ARFGEF1: variants seen among roughly 807,000 people sequenced by gnomAD.
The protein encoded by ARFGEF1 is brefeldin A-inhibited guanine nucleotide-exchange protein 1.
A neutral mutation model predicts 231.0 loss-of-function variants in ARFGEF1; 42 were observed. The observed-to-expected ratio is 0.18, with a 90% CI of 0.14 to 0.24. ARFGEF1 has a LOEUF of 0.24. ARFGEF1 is among the 10% of genes least tolerant of loss of function. The pLI, the probability that ARFGEF1 is intolerant of heterozygous loss-of-function variation, is 1.00. For missense variants in ARFGEF1, 1,345 were observed against 2,192.0 expected (o/e 0.61, Z 7.72); for synonymous variants, 710 against 732.3 (o/e 0.97, Z 0.49).
At chr8:67,291,711 G>C (rs1313592628) in intron 6 of ARFGEF1, 136 bp downstream of exon 6, 2 of 1,177,002 alleles carry the variant, frequency 1.7e-6, no homozygotes, top group Non-Finnish European at 2.4e-6. Context: ...CTACAATGAG[G>C]AAAGTCCACA....
chr8:67,275,945 T>C (rs1805295782), intron 9 of ARFGEF1, 31 bp downstream of exon 9: 2 of 1,611,382 alleles, frequency 1.2e-6, no homozygotes, highest in African/African-American at 2.7e-5. Flanking sequence ...TAAAAACCTC[T>C]ATTTGTCAGG....
chr8:67,268,920 T>G (rs1011154626), intron 10 of ARFGEF1, among the ~76,000 whole-genome samples: 2 of 152,128 alleles, frequency 1.3e-5, no homozygotes, highest in Non-Finnish European at 2.9e-5. Context: ...CAAAAACTTT[T>G]GGGATCCTCT....
chr8:67,279,275 T>C (rs1805439484), intron 7 of ARFGEF1, among the ~76,000 whole-genome samples: 1 of 152,098 alleles, frequency 6.6e-6, no homozygotes, highest in South Asian at 2.1e-4. Context: ...TCTCCCCACC[T>C]CCCCTTAACA....
intron 14 of ARFGEF1, among the ~76,000 whole-genome samples, chr8:67,261,582 C>T (rs1054037134): frequency 2.6e-5 from 4 of 152,222 alleles, no homozygotes; most frequent in Admixed American, 6.5e-5. Flanking sequence ...CACCTGATCA[C>T]CTTAGAGCTC....
chr8:67,175,200 G>T (rs369984993), downstream of ARFGEF1: 3 of 867,288 alleles, frequency 3.5e-6, no homozygotes, highest in Admixed American at 2.3e-5. Context: ...CCTTGATTTT[G>T]AAATTAGGTT....
chr8:67,193,670 C>A, downstream of ARFGEF1: 2 of 1,360,100 alleles, frequency 1.5e-6, no homozygotes, highest in Non-Finnish European at 2.1e-6. Context: ...TTACTCAAGG[C>A]TTTCACTAAC....
chr8:67,304,881 A>G (rs1358801582), intron 1 of ARFGEF1, among the ~76,000 whole-genome samples: 1 of 152,228 alleles, frequency 6.6e-6, no homozygotes, highest in East Asian at 1.9e-4. Context: ...ACTGACCTAA[A>G]TCATCATAAA....
In ARFGEF1 at chr8:67,266,968, T is replaced by C; in HGVS notation, c.1829A>G (p.Lys610Arg). The change falls in exon 13 of 39, where the codon AAA becomes AGA. Residue 610 changes from lysine to arginine, a missense_variant. Physicochemically the swap from Lys to Arg is conservative, Grantham distance 26. Coordinates refer to ENST00000262215, the MANE Select transcript of ARFGEF1 (RefSeq NM_006421.5). ...MSNVQELSLR[K>R]KGLECLVSIL... ...CGACACTAAGCATTCTAAACCTTTT[T>C]TCCTCAGGCTCAATTCCTACAAAGT... 6.2e-7 allele frequency: 1 copy of C among 1,613,538 alleles called. No individual in the cohort carries two copies. The highest frequency in any genetic ancestry group is 8.5e-7 in the Non-Finnish European group (1 of 1,179,726).
At chr8:67,185,120 AAAAC>A (rs531865798) in intron 5 of ARFGEF1, among the ~76,000 whole-genome samples, 4,852 of 151,230 alleles carry the variant, frequency 0.032, 256 homozygotes, top group African/African-American at 0.1. Context: ...AAAAAAAACA[AAAAC>A]AAACAAACAA....
At chr8:67,186,354 G>A (rs922951649) in intron 5 of ARFGEF1, among the ~76,000 whole-genome samples, 2 of 151,742 alleles carry the variant, frequency 1.3e-5, no homozygotes, top group African/African-American at 4.8e-5. Flanking sequence ...AGTAGTGGTG[G>A]TCAGACATGG....
intron 7 of ARFGEF1, among the ~76,000 whole-genome samples, chr8:67,278,147 C>T (rs1042817324): frequency 3.3e-5 from 5 of 152,088 alleles, no homozygotes; most frequent in African/African-American, 1.2e-4. Context: ...CAGAACTAAT[C>T]TAGGTATAAT....
chr8:67,254,014 A>G (rs1263295250), intron 17 of ARFGEF1, among the ~76,000 whole-genome samples: 2 of 152,258 alleles, frequency 1.3e-5, no homozygotes, highest in African/African-American at 4.8e-5. Flanking sequence ...TGTGCTGTTA[A>G]TGAATTTAAA....
chr8:67,275,957 A>G lies in ARFGEF1; in HGVS notation c.1337+19T>C. On this transcript the variant is annotated intron_variant, in intron 9 of 38. Coordinates refer to ENST00000262215, the MANE Select transcript of ARFGEF1 (RefSeq NM_006421.5). ...GCCTAAAAACCTCTATTTGTCAGGC[A>G]AAACAGTTAATAACTTACTTTGGAT... The G allele has an allele frequency of 6.2e-7, 1 of 1,612,482 alleles. No homozygotes were observed. Among genetic ancestry groups the G allele is most frequent in the Non-Finnish European group, 8.5e-7 (1 of 1,179,022 alleles).
chr8:67,300,822 C>A (rs1307549260), intron 3 of ARFGEF1, among the ~76,000 whole-genome samples: 1 of 149,482 alleles, frequency 6.7e-6, no homozygotes, highest in African/African-American at 2.5e-5. Flanking sequence ...CCAGCCCAGG[C>A]AACAGAGCAA....
chr8:67,186,986 T>C (rs978391350), intron 5 of ARFGEF1, among the ~76,000 whole-genome samples: 2 of 147,968 alleles, frequency 1.4e-5, no homozygotes, highest in African/African-American at 2.7e-5. Flanking sequence ...TCTATCTATC[T>C]ATCTATCTAT....
chr8:67,269,612 A>C (rs1422365534), intron 10 of ARFGEF1, among the ~76,000 whole-genome samples: 1 of 151,956 alleles, frequency 6.6e-6, no homozygotes, highest in Non-Finnish European at 1.5e-5. Flanking sequence ...CGGCCTCCCA[A>C]AGTGCTGGGA....
intron 4 of ARFGEF1, among the ~76,000 whole-genome samples, chr8:67,298,756 AT>A (rs1806349596): frequency 6.6e-6 from 1 of 152,160 alleles, no homozygotes; most frequent in Non-Finnish European, 1.5e-5. Context: ...TCTAGAAAGC[AT>A]CCAAATGACC....
At chr8:67,306,968 G>T (rs977690170) in intron 1 of ARFGEF1, among the ~76,000 whole-genome samples, 8 of 152,276 alleles carry the variant, frequency 5.3e-5, no homozygotes, top group Admixed American at 3.9e-4. Flanking sequence ...TAGTAGAGAC[G>T]AGGTTTCACC....
At position 67,244,401 on chromosome 8, in the gene ARFGEF1, C is replaced by T. The variant is rs187905407; in HGVS notation, c.2851-4111G>A. On this transcript the variant is annotated intron_variant, in intron 19 of 38. Coordinates refer to ENST00000262215, the MANE Select transcript of ARFGEF1 (RefSeq NM_006421.5). ...ACAGCTCACTGTAACCTCCACCTCC[C>T]AGGCTCAAGCAATCCTCCCACCTCA... Among the ~76,000 whole-genome samples, 130 of 136,468 alleles carry T rather than the reference C, an allele frequency of 9.5e-4. 6 individuals are homozygous for T. Among genetic ancestry groups the T allele is most frequent in the Middle Eastern group, 6.9e-3 (2 of 288 alleles). 89.5% of individuals were successfully genotyped at this position (136,468 alleles called of 152,430 possible). A position where few individuals can be genotyped will look rare whatever the true frequency, so the allele number is the denominator to read the frequency against.
Sources: gnomAD v4.1 joint callset for allele counts (sites outside exome capture counted in the v4.1 genomes callset) on GRCh38, gnomAD v4.1.1 for gene constraint, MANE v1.5 for transcripts, NCBI Gene and HGNC (gene_info 2026-07-23, HGNC 2026-07-21) for gene names.